The following DHRSX variants were observed in gnomAD, a reference collection of about 807,000 sequenced individuals.
DHRSX encodes polyprenol dehydrogenase.
In DHRSX, 31 loss-of-function variants were observed where a neutral mutation model predicts 34.0. That is an observed-to-expected ratio of 0.91 (90% CI 0.69 to 1.23). The LOEUF (loss-of-function observed/expected upper bound fraction) is 1.23, where lower values mean the gene tolerates loss of function less well. DHRSX is among the 50% of genes most tolerant of loss of function. The probability of loss-of-function intolerance (pLI) is 0.00; values close to 1 mark genes in which losing one functional copy is unlikely to be tolerated. For missense variants in DHRSX, 414 were observed against 428.1 expected (o/e 0.97, Z 0.29); for synonymous variants, 201 against 183.8 (o/e 1.09, Z -0.76).
Position 2,334,170 on chromosome X carries a change from C to CTTTTTTTTTTTTTTTTTTTTTTTTTTTT in DHRSX, c.287-42568_287-42567insAAAAAAAAAAAAAAAAAAAAAAAAAAAA, listed in dbSNP as rs778057545. The CTTTTTTTTTTTTTTTTTTTTTTTTTTTT allele has an allele frequency of 8.6e-5, 9 of 105,110 alleles. 3 individuals carry two copies. Among genetic ancestry groups the CTTTTTTTTTTTTTTTTTTTTTTTTTTTT allele is most frequent in the African/African-American group, 3.7e-4 (9 of 24,220 alleles). The allele number at this position is 105,110 out of a possible 1,614,324, so 6.5% of individuals were successfully genotyped here. On this transcript the variant is annotated intron_variant, in intron 3 of 6. Coordinates refer to ENST00000334651, the MANE Select transcript of DHRSX (RefSeq NM_145177.3). ...TCTGTTGTTTTAACTCAAAAGTATGCTTTTTTTTTTTGAGACACAGTCTTA... is the reference window on the plus strand; with the variant it reads ...TCTGTTGTTTTAACTCAAAAGTATGCTTTTTTTTTTTTTTTTTTTTTTTTTTTTTTTTTTTTTTTGAGACACAGTCTTA...
intron 3 of DHRSX, among the ~76,000 whole-genome samples, chrX:2,387,256 C>T (rs1487547641): frequency 1.3e-5 from 2 of 152,128 alleles, no homozygotes; most frequent in African/African-American, 2.4e-5. Flanking sequence ...TTTCTGCTTC[C>T]CTATCAACTG....
chrX:2,392,607 CTTA>C (rs1167397974), intron 3 of DHRSX: 3 of 156,364 alleles, frequency 1.9e-5, no homozygotes, highest in East Asian at 3.6e-4. Context: ...ATGATATATG[CTTA>C]TTATATATTA....
intron 6 of DHRSX, among the ~76,000 whole-genome samples, chrX:2,229,166 G>A (rs35923579): frequency 0.061 from 9,230 of 152,176 alleles, 752 homozygotes; most frequent in African/African-American, 0.18. Context: ...TTTTAGCACC[G>A]TCCACATCTT....
chrX:2,284,004 T>G (rs141617953), intron 4 of DHRSX, among the ~76,000 whole-genome samples: 10 of 149,916 alleles, frequency 6.7e-5, no homozygotes, highest in African/African-American at 2.0e-4. Flanking sequence ...TTGAATTCAT[T>G]CATTCATTCC....
intron 5 of DHRSX, among the ~76,000 whole-genome samples, chrX:2,251,336 C>G (rs1354560457): frequency 1.3e-5 from 2 of 152,190 alleles, no homozygotes; most frequent in African/African-American, 4.8e-5. Flanking sequence ...ACAATTTAAC[C>G]TAAGTATCAG....
chrX:2,460,503 A>G (rs1456386304), intron 1 of DHRSX, among the ~76,000 whole-genome samples: 1 of 151,584 alleles, frequency 6.6e-6, no homozygotes, highest in Non-Finnish European at 1.5e-5. Context: ...TGGCAGCCTC[A>G]GCCTCCTTGG....
intron 1 of DHRSX, among the ~76,000 whole-genome samples, chrX:2,472,764 A>T (rs2044612847): frequency 6.6e-6 from 1 of 152,186 alleles, no homozygotes; most frequent in Non-Finnish European, 1.5e-5. Flanking sequence ...AGTGCAAATC[A>T]TCTCAAAAAT....
At chrX:2,286,357 G>A (rs145733048) in intron 4 of DHRSX, among the ~76,000 whole-genome samples, 1,764 of 152,126 alleles carry the variant, frequency 0.012, 17 homozygotes, top group Non-Finnish European at 0.019. Context: ...CTAAATCAAG[G>A]TTCATCTGGC....
intron 1 of DHRSX, among the ~76,000 whole-genome samples, chrX:2,497,898 A>G (rs2045321617): frequency 6.6e-6 from 1 of 152,192 alleles, no homozygotes; most frequent in Non-Finnish European, 1.5e-5. Flanking sequence ...TAGGATATTA[A>G]ATGCACTGAT....
chrX:2,252,036 G>A (rs1305671025), intron 5 of DHRSX, among the ~76,000 whole-genome samples: 6 of 151,978 alleles, frequency 3.9e-5, no homozygotes, highest in South Asian at 4.2e-4. Flanking sequence ...CCAGGAGTTC[G>A]AGACTAGCCT....
chrX:2,477,852 C>CA (rs772395587), intron 1 of DHRSX, among the ~76,000 whole-genome samples: 188 of 125,766 alleles, frequency 1.5e-3, no homozygotes, highest in East Asian at 4.5e-3. Context: ...GACTCCGTCT[C>CA]AAAAAAAAAA....
Position 2,342,719 on chromosome X carries a change from T to C in DHRSX, c.287-51116A>G, listed in dbSNP as rs866677050. On this transcript the variant is annotated intron_variant, in intron 3 of 6. Coordinates refer to ENST00000334651, the MANE Select transcript of DHRSX (RefSeq NM_145177.3). ...ACAGTTTCCATGATTCCCACGCTCA[T>C]AGCATCGACATAACAAAAGCAAAGT... 1.4e-4 allele frequency among the ~76,000 whole-genome samples: 21 copies of C among 152,142 alleles called. 1 individual carries two copies. The highest frequency in any genetic ancestry group is 4.8e-4 in the African/African-American group (20 of 41,424).
intron 1 of DHRSX, among the ~76,000 whole-genome samples, chrX:2,479,910 A>G (rs1426033891): frequency 1.3e-5 from 2 of 152,194 alleles, no homozygotes; most frequent in African/African-American, 4.8e-5. Context: ...TGGCCAAGGG[A>G]CGGACGCCAT....
intron 1 of DHRSX, among the ~76,000 whole-genome samples, chrX:2,485,246 C>T (rs1357464437): frequency 6.6e-6 from 1 of 152,046 alleles, no homozygotes; most frequent in Non-Finnish European, 1.5e-5. Context: ...ATGGGAAAAA[C>T]GTGTAAACAT....
chrX:2,300,236 G>A (rs2041994915), intron 3 of DHRSX, among the ~76,000 whole-genome samples: 1 of 152,092 alleles, frequency 6.6e-6, no homozygotes. Flanking sequence ...GTTATAGACT[G>A]AGCCGTGCCC....
intron 3 of DHRSX, among the ~76,000 whole-genome samples, chrX:2,310,170 G>A (rs1269165850): frequency 6.6e-6 from 1 of 152,018 alleles, no homozygotes; most frequent in Non-Finnish European, 1.5e-5. Context: ...CAGCCGTCCT[G>A]CTACCCAAAA....
intron 5 of DHRSX, among the ~76,000 whole-genome samples, chrX:2,253,120 G>A (rs2016470982): frequency 2.0e-5 from 3 of 152,236 alleles, no homozygotes; most frequent in Non-Finnish European, 2.9e-5. Context: ...CCTGGGAGGC[G>A]CACATGGCAG....
intron 4 of DHRSX, among the ~76,000 whole-genome samples, chrX:2,286,941 G>T (rs2041811465): frequency 6.6e-6 from 1 of 152,202 alleles, no homozygotes; most frequent in Non-Finnish European, 1.5e-5. Flanking sequence ...AGCAGCACAG[G>T]CTGGGGAATT....
chrX:2,354,403 C>G (rs1170148425), intron 3 of DHRSX, among the ~76,000 whole-genome samples: 1 of 152,220 alleles, frequency 6.6e-6, no homozygotes, highest in Non-Finnish European at 1.5e-5. Context: ...CAGGTGCTCA[C>G]AGACAGGGGT....
Sources: gnomAD v4.1 joint callset for allele counts (sites outside exome capture counted in the v4.1 genomes callset) on GRCh38, gnomAD v4.1.1 for gene constraint, MANE v1.5 for transcripts, NCBI Gene and HGNC (gene_info 2026-07-23, HGNC 2026-07-21) for gene names.